PGM5: variants seen among roughly 807,000 people sequenced by gnomAD.
PGM5 encodes phosphoglucomutase 5.
A neutral mutation model predicts 59.2 loss-of-function variants in PGM5; 23 were observed. The observed-to-expected ratio is 0.39, with a 90% CI of 0.28 to 0.55. The LOEUF is 0.55. Among genes scored for constraint, PGM5 ranks in the 20% least tolerant of loss-of-function variants. The pLI is 0.66. For missense variants in PGM5, 574 were observed against 748.3 expected, an observed-to-expected ratio of 0.77 and a Z score of 2.72; for synonymous variants, 214 against 286.0, an observed-to-expected ratio of 0.75 and a Z score of 2.54.
chr9:68,510,252 C>T (rs930235087), intron 10 of PGM5, among the ~76,000 whole-genome samples: 16 of 150,940 alleles, frequency 1.1e-4, no homozygotes, highest in Non-Finnish European at 2.2e-4. Context: ...CCTGGGTTCA[C>T]GCCCTTCTCC....
Position 68,448,509 on chromosome 9 carries a change from T to C in PGM5, c.1044-16584T>C, listed in dbSNP as rs141372855. Reference sequence around the variant, plus strand: ...GACCTCTCTTCTCTTCTCAGTTAGCTCAGGGGTTCTCAAACTCTTTTTCTG... The same window carrying C: ...GACCTCTCTTCTCTTCTCAGTTAGCCCAGGGGTTCTCAAACTCTTTTTCTG... On this transcript the variant is annotated intron_variant, in intron 6 of 10. Coordinates refer to ENST00000396396, the MANE Select transcript of PGM5 (RefSeq NM_021965.4). Among the ~76,000 whole-genome samples, 378 of 152,296 alleles carry C rather than the reference T, an allele frequency of 2.5e-3. 3 individuals carry two copies. Among genetic ancestry groups the C allele is most frequent in the African/African-American group, 8.7e-3 (360 of 41,574 alleles).
chr9:68,490,551 C>A (rs1824374584), intron 9 of PGM5, among the ~76,000 whole-genome samples: 1 of 152,154 alleles, frequency 6.6e-6, no homozygotes, highest in Admixed American at 6.5e-5. Context: ...GACAGGGTTT[C>A]ACCATGTTGG....
At chr9:68,393,787 T>C (rs1483975922) in intron 6 of PGM5, 1 of 152,138 alleles carries the variant, frequency 6.6e-6, no homozygotes, top group Non-Finnish European at 1.5e-5. Context: ...ATAATGGAGA[T>C]GTGTCCACAA....
chr9:68,468,462 G>C (rs1415273477), intron 7 of PGM5, among the ~76,000 whole-genome samples: 1 of 152,100 alleles, frequency 6.6e-6, no homozygotes, highest in African/African-American at 2.4e-5. Context: ...TAGACTTTTA[G>C]TTTCCAATTA....
At chr9:68,436,849 C>G (rs1378009100) in intron 6 of PGM5, among the ~76,000 whole-genome samples, 1 of 152,228 alleles carries the variant, frequency 6.6e-6, no homozygotes, top group African/African-American at 2.4e-5. Flanking sequence ...CCAGATTTAT[C>G]TGACTCCAAG....
Position 68,499,310 on chromosome 9 carries a change from G to C in PGM5, c.1563G>C (p.Leu521=). 6.2e-7 allele frequency: 1 copy of C among 1,614,158 alleles called. No homozygotes were observed. Among genetic ancestry groups the C allele is most frequent in the Non-Finnish European group, 8.5e-7 (1 of 1,180,020 alleles). Reference sequence around the variant, plus strand: ...GTGGTGTGCGGGCCACCCTCAGACTGTACGCAGAGAGCTACGAGAGGGATC... The same window carrying C: ...GTGGTGTGCGGGCCACCCTCAGACTCTACGCAGAGAGCTACGAGAGGGATC... ...SSSGVRATLR[L]YAESYERDPS... is the part of the protein sequence containing the mutation. The change falls in exon 10 of 11, where the codon CTG becomes CTC. Residue 521 remains leucine (L), a synonymous_variant. Transcript: ENST00000396396.
intron 6 of PGM5, among the ~76,000 whole-genome samples, chr9:68,444,973 T>C (rs11142461): frequency 0.038 from 5,837 of 152,308 alleles, 139 homozygotes; most frequent in East Asian, 0.09. Flanking sequence ...AGTCAGTTAC[T>C]CTGCCTGGAG....
intron 1 of PGM5, among the ~76,000 whole-genome samples, chr9:68,372,236 C>T (rs115953172): frequency 0.013 from 1,937 of 150,784 alleles, 39 homozygotes; most frequent in African/African-American, 0.046. Context: ...ATCAAGGTAT[C>T]GGCATGGCCA....
chr9:68,455,234 C>T (rs1316124922), intron 6 of PGM5, among the ~76,000 whole-genome samples: 2 of 152,174 alleles, frequency 1.3e-5, no homozygotes, highest in Non-Finnish European at 2.9e-5. Context: ...TCTGAACCCA[C>T]CATGGACAGC....
intron 9 of PGM5, among the ~76,000 whole-genome samples, chr9:68,491,031 T>G (rs1824380993): frequency 6.6e-6 from 1 of 152,192 alleles, no homozygotes; most frequent in Non-Finnish European, 1.5e-5. Context: ...TCTAATATGG[T>G]GAAGGTTGTT....
intron 6 of PGM5, among the ~76,000 whole-genome samples, chr9:68,403,495 C>G (rs1319327899): frequency 1.3e-5 from 2 of 152,130 alleles, no homozygotes; most frequent in Non-Finnish European, 2.9e-5. Context: ...GTCCCTGGTG[C>G]CAAAAAGGTT....
At chr9:68,481,551 G>T (rs1271381938) in intron 8 of PGM5, among the ~76,000 whole-genome samples, 2 of 152,116 alleles carry the variant, frequency 1.3e-5, no homozygotes, top group African/African-American at 2.4e-5. Context: ...ACAACCTCTG[G>T]CCTAGTGAGA....
intron 6 of PGM5, among the ~76,000 whole-genome samples, chr9:68,456,833 C>T (rs1019452098): frequency 1.3e-5 from 2 of 151,382 alleles, no homozygotes; most frequent in African/African-American, 4.9e-5. Flanking sequence ...GCCATCTTGG[C>T]CAGGCTGGTT....
chr9:68,435,047 A>G (rs1275063425), intron 6 of PGM5, among the ~76,000 whole-genome samples: 1 of 152,182 alleles, frequency 6.6e-6, no homozygotes, highest in African/African-American at 2.4e-5. Flanking sequence ...TGTTTCCTCT[A>G]CTAGGAGTGC....
At chr9:68,527,961 G>A (rs768455434) in intron 10 of PGM5, among the ~76,000 whole-genome samples, 1 of 152,146 alleles carries the variant, frequency 6.6e-6, no homozygotes, top group African/African-American at 2.4e-5. Context: ...GGATTCTTCT[G>A]TATCTACATG....
chr9:68,444,233 A>T (rs1554683880), intron 6 of PGM5, among the ~76,000 whole-genome samples: 2 of 152,138 alleles, frequency 1.3e-5, no homozygotes, highest in South Asian at 4.1e-4. Context: ...TGGGATTTCC[A>T]GTACTGCCTC....
chr9:68,523,564 G>A (rs1047698911), intron 10 of PGM5, among the ~76,000 whole-genome samples: 1 of 152,236 alleles, frequency 6.6e-6, no homozygotes, highest in East Asian at 1.9e-4. Context: ...CAAAGTGGGA[G>A]TGTTGTTAGT....
chr9:68,476,399 C>T (rs1024775295), intron 7 of PGM5, among the ~76,000 whole-genome samples: 1 of 152,126 alleles, frequency 6.6e-6, no homozygotes, highest in African/African-American at 2.4e-5. Context: ...TTATCCCTGT[C>T]ATATATATAG....
chr9:68,481,396 C>T (rs1554687129), intron 8 of PGM5, among the ~76,000 whole-genome samples: 1 of 152,180 alleles, frequency 6.6e-6, no homozygotes. Flanking sequence ...ACTTGGTTTA[C>T]TCATTATTTC....
Sources: allele counts gnomAD v4.1 joint callset (sites outside exome capture counted in the v4.1 genomes callset), GRCh38; gene constraint gnomAD v4.1.1; transcripts MANE v1.5; gene names NCBI Gene and HGNC (gene_info 2026-07-23, HGNC 2026-07-21).